Variants in SPATA6 observed in about 807,000 individuals in gnomAD.
SPATA6 encodes spermatogenesis-associated protein 6.
SPATA6 carries 56 observed loss-of-function variants against 65.3 expected under a neutral mutation model. The ratio of observed to expected loss-of-function variants is 0.86; its 90% CI spans 0.69 to 1.07. The LOEUF is 1.07. Among genes scored for constraint, SPATA6 ranks in the 50% least tolerant of loss-of-function variants. The pLI, the probability that SPATA6 is intolerant of heterozygous loss-of-function variation, is 0.00. For synonymous variants in SPATA6, 199 were observed against 213.2 expected (o/e 0.93, Z 0.58); for missense variants, 590 against 594.8 (o/e 0.99, Z 0.08).
the SPATA6 span, among the ~76,000 whole-genome samples, chr1:48,277,205 T>C: frequency 1.3e-5 from 2 of 152,028 alleles, no homozygotes; most frequent in Non-Finnish European, 1.5e-5. Context: ...GGAGCCAAGA[T>C]GGCCAAATAG....
intron 11 of SPATA6, chr1:48,325,530 GA>G: frequency 8.3e-7 from 1 of 1,205,326 alleles, no homozygotes; most frequent in Non-Finnish European, 1.2e-6. Flanking sequence ...TGTCACCCGG[GA>G]GTTCTTCCTC....
chr1:48,469,616 TGA>T (rs1570666679), intron 1 of SPATA6, among the ~76,000 whole-genome samples: 2 of 152,164 alleles, frequency 1.3e-5, no homozygotes, highest in East Asian at 3.9e-4. Flanking sequence ...AACACTTCTC[TGA>T]GTATATCATG....
intron 3 of SPATA6, among the ~76,000 whole-genome samples, chr1:48,441,050 G>T: frequency 6.6e-6 from 1 of 152,274 alleles, no homozygotes; most frequent in Non-Finnish European, 1.5e-5. Flanking sequence ...CCGTAAAAAA[G>T]ATTGTCCAAC....
chr1:48,428,775 A>ATATGTGTG (rs374475889), intron 3 of SPATA6, among the ~76,000 whole-genome samples: 2 of 133,496 alleles, frequency 1.5e-5, no homozygotes, highest in Admixed American at 1.6e-4. Context: ...AGGTGTATAT[A>ATATGTGTG]TGTGTGTGTG....
In SPATA6 at chr1:48,399,560, A is replaced by AT; in HGVS notation, c.570dup (p.Ser191IlefsTer5). On this transcript the variant is annotated frameshift_variant, in exon 7 of 13. Coordinates refer to ENST00000371847, the MANE Select transcript of SPATA6 (RefSeq NM_019073.4). LOFTEE classifies it high-confidence loss of function. ...TATTTACTTCTCTCAGGTGACTTGG[A>AT]TTTTTTCTTTTGTGATCTTGATGTT... The AT allele has an allele frequency of 6.2e-7, 1 of 1,612,660 alleles. No individual in the cohort carries two copies. Among genetic ancestry groups the AT allele is most frequent in the Non-Finnish European group, 8.5e-7 (1 of 1,179,274 alleles).
intron 9 of SPATA6, among the ~76,000 whole-genome samples, chr1:48,360,592 C>T (rs1323395167): frequency 1.3e-5 from 2 of 152,006 alleles, no homozygotes; most frequent in South Asian, 2.1e-4. Flanking sequence ...CAGTGGAGCT[C>T]GACTGGGTAG....
At chr1:48,334,686 A>T (rs2203364) in intron 11 of SPATA6, among the ~76,000 whole-genome samples, 1 of 152,120 alleles carries the variant, frequency 6.6e-6, no homozygotes, top group African/African-American at 2.4e-5. Flanking sequence ...CACACTGAAC[A>T]GGCAAAAGCT....
At chr1:48,394,031 A>G (rs1650328908) in intron 8 of SPATA6, among the ~76,000 whole-genome samples, 1 of 152,112 alleles carries the variant, frequency 6.6e-6, no homozygotes, top group Non-Finnish European at 1.5e-5. Context: ...AAAATTCTAT[A>G]CACAGACTCA....
intron 8 of SPATA6, 39 bp from the exon 9 acceptor site, chr1:48,385,388 G>A: frequency 1.3e-6 from 2 of 1,571,794 alleles, no homozygotes; most frequent in Non-Finnish European, 1.7e-6. Context: ...GTTTAAATTT[G>A]GTTTCATCTT....
At chr1:48,264,957 T>C in the SPATA6 span, among the ~76,000 whole-genome samples, 1 of 152,242 alleles carries the variant, frequency 6.6e-6, no homozygotes, top group Non-Finnish European at 1.5e-5. Flanking sequence ...TCTTCTACAA[T>C]GGTTGAACTA....
the SPATA6 span, among the ~76,000 whole-genome samples, chr1:48,261,450 C>T: frequency 6.6e-6 from 1 of 151,512 alleles, no homozygotes; most frequent in East Asian, 2.0e-4. Context: ...GAATGTAAAA[C>T]CTATTATGGC....
chr1:48,323,375 A>G (rs1020362713), intron 11 of SPATA6, among the ~76,000 whole-genome samples: 2 of 149,648 alleles, frequency 1.3e-5, no homozygotes, highest in African/African-American at 4.9e-5. Context: ...CAATGAGAAC[A>G]CATGGACACA....
chr1:48,368,500 A>G (rs1367568080), intron 9 of SPATA6, among the ~76,000 whole-genome samples: 2 of 152,102 alleles, frequency 1.3e-5, no homozygotes, highest in Non-Finnish European at 2.9e-5. Flanking sequence ...GTTTCTTTTT[A>G]TTCTTTTTCC....
intron 2 of SPATA6, among the ~76,000 whole-genome samples, chr1:48,452,477 A>C (rs553003601): frequency 6.6e-6 from 1 of 151,312 alleles, no homozygotes; most frequent in Non-Finnish European, 1.5e-5. Context: ...TCCACCTCCC[A>C]GGTTCAAGCA....
the SPATA6 span, among the ~76,000 whole-genome samples, chr1:48,282,846 G>A: frequency 1.3e-5 from 2 of 152,028 alleles, no homozygotes; most frequent in Admixed American, 6.6e-5. Flanking sequence ...TATACCCAAA[G>A]GACTATAAAT....
the SPATA6 span, among the ~76,000 whole-genome samples, chr1:48,279,244 C>A: frequency 1.3e-5 from 2 of 152,154 alleles, no homozygotes; most frequent in African/African-American, 4.8e-5. Flanking sequence ...ATTGTAAAGA[C>A]CATCGAGGCT....
the SPATA6 span, among the ~76,000 whole-genome samples, chr1:48,285,646 C>T: frequency 1.3e-4 from 20 of 152,176 alleles, no homozygotes; most frequent in Admixed American, 7.8e-4. Context: ...CCAAATGCAC[C>T]GTTCCTCATG....
chr1:48,367,797 T>C (rs1647076540), intron 9 of SPATA6, among the ~76,000 whole-genome samples: 1 of 152,210 alleles, frequency 6.6e-6, no homozygotes, highest in Non-Finnish European at 1.5e-5. Flanking sequence ...TCCATTTACA[T>C]TTAAAGTTAA....
the SPATA6 span, among the ~76,000 whole-genome samples, chr1:48,281,673 T>G: frequency 2.6e-4 from 40 of 151,066 alleles, no homozygotes; most frequent in Admixed American, 4.0e-4. Context: ...CACTGCTCAA[T>G]GAAATAAAAG....
Sources: allele counts gnomAD v4.1 joint callset (sites outside exome capture counted in the v4.1 genomes callset), GRCh38; gene constraint gnomAD v4.1.1; transcripts MANE v1.5; gene names NCBI Gene and HGNC (gene_info 2026-07-23, HGNC 2026-07-21).